The following NEBL variants were observed in gnomAD, a reference collection of about 807,000 sequenced individuals.
NEBL encodes nebulette.
A neutral mutation model predicts 140.2 loss-of-function variants in NEBL; 122 were observed. The ratio of observed to expected loss-of-function variants is 0.87; its 90% CI spans 0.75 to 1.01. The LOEUF (loss-of-function observed/expected upper bound fraction) is 1.01. Ranked by LOEUF, NEBL falls within the 50% of genes least tolerant of loss-of-function variation. The probability of loss-of-function intolerance (pLI) is 0.00; values close to 1 mark genes in which losing one functional copy is unlikely to be tolerated. For synonymous variants in NEBL, 436 were observed against 398.9 expected (o/e 1.09, Z -1.11); for missense variants, 1,365 against 1,231.3 (o/e 1.11, Z -1.62).
At chr10:21,243,706 A>T (rs2035435) in intron 3 of NEBL, among the ~76,000 whole-genome samples, 147,173 of 152,296 alleles carry the variant, frequency 0.97, 71,152 homozygotes, top group East Asian at 1. Flanking sequence ...TATCCCCATG[A>T]GGTAGGGGGA....
chr10:21,009,818 T>A (rs923457844), intron 3 of NEBL, among the ~76,000 whole-genome samples: 8 of 152,158 alleles, frequency 5.3e-5, no homozygotes, highest in African/African-American at 1.9e-4. Flanking sequence ...CTAAACAAAG[T>A]TCTGAGGTAA....
At chr10:21,242,669 G>A (rs1842456612) in intron 3 of NEBL, among the ~76,000 whole-genome samples, 1 of 152,126 alleles carries the variant, frequency 6.6e-6, no homozygotes, top group African/African-American at 2.4e-5. Context: ...CAACTCACTT[G>A]GGTAAATTGA....
chr10:20,856,505 G>GGAT (rs1843088241), intron 9 of NEBL, among the ~76,000 whole-genome samples: 11 of 152,250 alleles, frequency 7.2e-5, no homozygotes, highest in Admixed American at 7.2e-4. Context: ...GATGAAAACT[G>GGAT]GATGCCAAAG....
intron 1 of NEBL, among the ~76,000 whole-genome samples, chr10:21,287,523 G>A (rs1049342740): frequency 6.6e-6 from 1 of 152,166 alleles, no homozygotes; most frequent in African/African-American, 2.4e-5. Context: ...GTGACAGAGT[G>A]AGACTCCGTG....
At chr10:20,882,007 C>A (rs1057083485) in intron 4 of NEBL, among the ~76,000 whole-genome samples, 2 of 152,062 alleles carry the variant, frequency 1.3e-5, no homozygotes, top group African/African-American at 4.8e-5. Context: ...GTGAGGCTCC[C>A]ATCTCTACTA....
At chr10:21,023,572 G>A (rs1160004617) in intron 2 of NEBL, among the ~76,000 whole-genome samples, 3 of 152,110 alleles carry the variant, frequency 2.0e-5, no homozygotes, top group Admixed American at 6.6e-5. Flanking sequence ...GCGCACACCT[G>A]TAATCCCAGC....
upstream of NEBL, among the ~76,000 whole-genome samples, chr10:21,177,681 C>G (rs2132201088): frequency 6.6e-6 from 1 of 152,154 alleles, no homozygotes; most frequent in African/African-American, 2.4e-5. Context: ...AGGTGCCCAC[C>G]ACCACGCCCG....
At chr10:20,907,357 A>G (rs1848135585) in intron 4 of NEBL, among the ~76,000 whole-genome samples, 1 of 152,160 alleles carries the variant, frequency 6.6e-6, no homozygotes, top group South Asian at 2.1e-4. Flanking sequence ...GTGTATTTTC[A>G]AAATGCTATC....
At chr10:21,191,025 T>A (rs1841565148) in intron 3 of NEBL, among the ~76,000 whole-genome samples, 1 of 152,212 alleles carries the variant, frequency 6.6e-6, no homozygotes, top group South Asian at 2.1e-4. Context: ...CCCCCATTTA[T>A]AATTAATAAT....
In NEBL at chr10:20,799,062, G is replaced by C. The variant is rs538928723; in HGVS notation, c.2761+9448C>G. Among the ~76,000 whole-genome samples, 4 of 152,176 alleles carry C rather than the reference G, an allele frequency of 2.6e-5. No homozygotes were observed. In the South Asian group the frequency reaches 8.3e-4, roughly 32 times the overall value. On this transcript the variant is annotated intron_variant, in intron 26 of 27. Transcript: ENST00000377122. ...TTTCACAGGCTAGATGTACAGACTA[G>C]ATGGTAAAATATAATCATATGATAG...
At chr10:21,141,574 G>A (rs934011651) in intron 2 of NEBL, among the ~76,000 whole-genome samples, 2 of 152,158 alleles carry the variant, frequency 1.3e-5, no homozygotes, top group South Asian at 2.1e-4. Flanking sequence ...AAGTAAAAGT[G>A]TTGTTGTTTA....
At chr10:20,872,288 G>A (rs1287834068) in intron 5 of NEBL, among the ~76,000 whole-genome samples, 1 of 152,072 alleles carries the variant, frequency 6.6e-6, no homozygotes, top group Non-Finnish European at 1.5e-5. Flanking sequence ...AGATTGACAT[G>A]AACTGCAAAT....
intron 16 of NEBL, among the ~76,000 whole-genome samples, chr10:20,829,432 G>A (rs1840190561): frequency 7.1e-6 from 1 of 140,730 alleles, no homozygotes. Flanking sequence ...TCTGGGGACT[G>A]TTGTGGGGTA....
chr10:21,073,335 A>G (rs1835905101), intron 2 of NEBL, among the ~76,000 whole-genome samples: 1 of 151,426 alleles, frequency 6.6e-6, no homozygotes, highest in African/African-American at 2.4e-5. Context: ...AAAAAAAAAA[A>G]GCCAGACACG....
At chr10:20,890,996 C>T (rs953469239) in intron 2 of NEBL, among the ~76,000 whole-genome samples, 14 of 152,292 alleles carry the variant, frequency 9.2e-5, no homozygotes, top group African/African-American at 3.1e-4. Context: ...ATTATATGTT[C>T]TCCCTAATTA....
chr10:20,869,799 C>A lies in NEBL; in HGVS notation c.523G>T (p.Ala175Ser), dbSNP rs71541562. The A allele has an allele frequency of 6.2e-7, 1 of 1,613,454 alleles. No homozygotes were observed. Among genetic ancestry groups the A allele is most frequent in the African/African-American group, 1.3e-5 (1 of 74,872 alleles). Residue 175 changes from alanine (A) to serine (S), a missense_variant, in exon 6 of 28, where the codon GCA becomes TCA. By Grantham distance (99) the Ala-to-Ser change is moderately conservative (BLOSUM62 1). Around this residue, in one of 2 missense-constraint regions of NEBL, gnomAD observed 1,323 missense variants for 1,154.8 expected, o/e 1.15. Coordinates refer to ENST00000377122, the MANE Select transcript of NEBL (RefSeq NM_006393.3). ...TTGATGTCTGGTCGGTCAAGTTCTG[C>A]ACTGTACGTGTGGGTGTCCTGCACG... is the stretch of plus-strand genomic sequence containing the variant. ...KDVQDTHTYSAELDRPDIKMA... is the reference protein window; with the variant it reads ...KDVQDTHTYSSELDRPDIKMA...
At chr10:21,266,607 T>A (rs1842799284) in intron 1 of NEBL, among the ~76,000 whole-genome samples, 1 of 152,382 alleles carries the variant, frequency 6.6e-6, no homozygotes, top group African/African-American at 2.4e-5. Context: ...GAGGATGTCC[T>A]GAGAAGCCTT....
intron 4 of NEBL, among the ~76,000 whole-genome samples, chr10:20,952,502 T>C (rs1469799424): frequency 6.6e-6 from 1 of 151,794 alleles, no homozygotes; most frequent in African/African-American, 2.4e-5. Flanking sequence ...TTTCTTTTTT[T>C]AGTTAAGAAT....
intron 2 of NEBL, among the ~76,000 whole-genome samples, chr10:21,125,150 A>G (rs1014974762): frequency 6.6e-6 from 1 of 152,270 alleles, no homozygotes; most frequent in South Asian, 2.1e-4. Context: ...AACATCTCTA[A>G]TTCTTATGAT....
Sources: gnomAD v4.1 joint callset for allele counts (sites outside exome capture counted in the v4.1 genomes callset) on GRCh38, gnomAD v4.1.1 for gene constraint, gnomAD v4.1.1 regional missense constraint, MANE v1.5 for transcripts, NCBI Gene and HGNC (gene_info 2026-07-23, HGNC 2026-07-21) for gene names.